The following SOX5 variants were observed in gnomAD, a reference collection of about 807,000 sequenced individuals.
SOX5 encodes SRY-box transcription factor 5.
A neutral mutation model predicts 92.0 loss-of-function variants in SOX5; 9 were observed. The observed-to-expected ratio is 0.10, with a 90% CI of 0.06 to 0.17. The LOEUF (loss-of-function observed/expected upper bound fraction) is 0.17. Among genes scored for constraint, SOX5 ranks in the 10% least tolerant of loss-of-function variants. The pLI, the probability that SOX5 is intolerant of heterozygous loss-of-function variation, is 1.00. For synonymous variants in SOX5, 344 were observed against 336.3 expected (o/e 1.02, Z -0.25); for missense variants, 642 against 944.5 (o/e 0.68, Z 4.20).
chr12:24,361,384 C>T (rs2136177867), intron 2 of SOX5, among the ~76,000 whole-genome samples: 1 of 152,240 alleles, frequency 6.6e-6, no homozygotes, highest in Middle Eastern at 3.4e-3. Flanking sequence ...AGCTATTGAA[C>T]CATGGCAAGT....
At chr12:23,760,821 G>T (rs1470716001) in intron 3 of SOX5, among the ~76,000 whole-genome samples, 2 of 152,102 alleles carry the variant, frequency 1.3e-5, no homozygotes, top group African/African-American at 4.8e-5. Flanking sequence ...AACCACATTT[G>T]CTCCAGTGCA....
intron 3 of SOX5, among the ~76,000 whole-genome samples, chr12:23,762,832 T>A (rs1274956673): frequency 6.6e-6 from 1 of 152,132 alleles, no homozygotes. Context: ...TTACTACATA[T>A]CAATAACCTT....
At chr12:24,317,789 T>C (rs539269010) in intron 2 of SOX5, among the ~76,000 whole-genome samples, 1 of 152,324 alleles carries the variant, frequency 6.6e-6, no homozygotes, top group South Asian at 2.1e-4. Flanking sequence ...ATTCATCACT[T>C]AACCTACACT....
intron 1 of SOX5, among the ~76,000 whole-genome samples, chr12:24,391,835 A>C (rs2136495395): frequency 6.6e-6 from 1 of 152,320 alleles, no homozygotes; most frequent in South Asian, 2.1e-4. Flanking sequence ...TAGAAAATAT[A>C]AACGTTTCCT....
At chr12:23,655,031 TATTTA>T (rs568648118) in intron 7 of SOX5, among the ~76,000 whole-genome samples, 1 of 152,112 alleles carries the variant, frequency 6.6e-6, no homozygotes. Flanking sequence ...AACTTTATCC[TATTTA>T]ATTTAATAGT....
At chr12:23,877,759 G>A (rs2096943506) in intron 2 of SOX5, among the ~76,000 whole-genome samples, 1 of 151,952 alleles carries the variant, frequency 6.6e-6, no homozygotes, top group South Asian at 2.1e-4. Flanking sequence ...GACATTATAT[G>A]AAATGTGTAT....
At chr12:24,396,681 G>A (rs1453792071) in intron 1 of SOX5, among the ~76,000 whole-genome samples, 2 of 152,218 alleles carry the variant, frequency 1.3e-5, no homozygotes, top group East Asian at 1.9e-4. Flanking sequence ...ACCCCTGGAT[G>A]TGTCTTTGCA....
intron 2 of SOX5, among the ~76,000 whole-genome samples, chr12:23,865,583 G>A (rs981313639): frequency 1.3e-5 from 2 of 152,034 alleles, no homozygotes; most frequent in Admixed American, 1.3e-4. Context: ...GCTGAGGCAG[G>A]AGAATCACTT....
intron 2 of SOX5, among the ~76,000 whole-genome samples, chr12:24,355,156 T>C (rs1472601790): frequency 6.6e-6 from 1 of 152,052 alleles, no homozygotes; most frequent in Non-Finnish European, 1.5e-5. Flanking sequence ...ATCAGCCAGA[T>C]TCATAGAGAT....
rs544784984 is a variant in SOX5, at chr12:24,217,473, A to G, written c.-76-4056T>C. Among the ~76,000 whole-genome samples, 3 of 152,320 alleles carry G rather than the reference A, an allele frequency of 2.0e-5. No homozygotes were observed. The South Asian group carries it at 6.2e-4, about 32-fold the overall frequency. On this transcript the variant is annotated intron_variant, in intron 3 of 4. Transcript: ENST00000446891. ...AAGAATTAAACTGGACCCTTATCTC[A>G]TATATAAATAAGAATTAACTCAAAA...
At chr12:23,946,937 T>G (rs762289239) in intron 1 of SOX5, among the ~76,000 whole-genome samples, 11 of 152,074 alleles carry the variant, frequency 7.2e-5, no homozygotes, top group Middle Eastern at 3.4e-3. Context: ...TTACTACTTC[T>G]TAACTATTTA....
chr12:24,187,528 T>C (rs1179147582), intron 4 of SOX5, among the ~76,000 whole-genome samples: 1 of 152,218 alleles, frequency 6.6e-6, no homozygotes, highest in Admixed American at 6.5e-5. Context: ...AATTGGGCAT[T>C]GTGACTTTTC....
chr12:24,515,634 C>T (rs901368649), intron 1 of SOX5, among the ~76,000 whole-genome samples: 14 of 152,190 alleles, frequency 9.2e-5, no homozygotes, highest in African/African-American at 3.4e-4. Context: ...GCTGTCTCTT[C>T]TTTTAAAAAC....
chr12:23,625,786 T>C (rs1236959141), intron 8 of SOX5, among the ~76,000 whole-genome samples: 2 of 152,268 alleles, frequency 1.3e-5, no homozygotes, highest in East Asian at 3.9e-4. Context: ...TTTTTGTATT[T>C]TTAATAGAGA....
intron 7 of SOX5, among the ~76,000 whole-genome samples, chr12:23,656,103 G>A (rs2082270037): frequency 6.6e-6 from 1 of 152,058 alleles, no homozygotes; most frequent in African/African-American, 2.4e-5. Flanking sequence ...AAAACAGGGA[G>A]AGCAAGATGA....
intron 2 of SOX5, among the ~76,000 whole-genome samples, chr12:23,882,806 C>G (rs1479942409): frequency 6.6e-6 from 1 of 152,182 alleles, no homozygotes; most frequent in Non-Finnish European, 1.5e-5. Flanking sequence ...TCCGTGCACA[C>G]AGGCTTTGGA....
At chr12:23,608,487 TA>T (rs1163253183) in intron 8 of SOX5, among the ~76,000 whole-genome samples, 1 of 152,204 alleles carries the variant, frequency 6.6e-6, no homozygotes, top group Non-Finnish European at 1.5e-5. Context: ...TATATAAATA[TA>T]AGCAACTCCT....
intron 2 of SOX5, among the ~76,000 whole-genome samples, chr12:24,294,340 G>A (rs1386040949): frequency 6.6e-6 from 1 of 151,842 alleles, no homozygotes; most frequent in Non-Finnish European, 1.5e-5. Context: ...CAGGAAAAGA[G>A]CTATTCCTTT....
intron 6 of SOX5, among the ~76,000 whole-genome samples, chr12:23,693,830 T>G (rs1426774909): frequency 6.6e-6 from 1 of 152,228 alleles, no homozygotes; most frequent in Non-Finnish European, 1.5e-5. Context: ...ATGCTTATTT[T>G]TCACAGAGAC....
Sources: gnomAD v4.1 joint callset for allele counts (sites outside exome capture counted in the v4.1 genomes callset) on GRCh38, gnomAD v4.1.1 for gene constraint, MANE v1.5 for transcripts, NCBI Gene and HGNC (gene_info 2026-07-23, HGNC 2026-07-21) for gene names.